MAGEA4: variants seen among roughly 807,000 people sequenced by gnomAD.
The protein encoded by MAGEA4 is MAGE family member A4.
A neutral mutation model predicts 13.7 loss-of-function variants in MAGEA4; 1 was observed. That is an observed-to-expected ratio of 0.07 (90% CI 0.03 to 0.35). The LOEUF (loss-of-function observed/expected upper bound fraction) is 0.35. MAGEA4 is among the 10% of genes least tolerant of loss of function. MAGEA4 has a pLI of 0.99. For missense variants in MAGEA4, 312 were observed against 245.1 expected (o/e 1.27, Z -1.82); for synonymous variants, 132 against 101.1 (o/e 1.31, Z -1.83).
At chrX:151,920,312 A>C (rs1192829849) in intron 1 of MAGEA4, among the ~76,000 whole-genome samples, 2 of 109,463 alleles carry the variant, frequency 1.8e-5, no homozygotes, top group African/African-American at 3.3e-5. Flanking sequence ...AGAAGTCGGG[A>C]GGCCCTCTCC....
Position 151,924,040 on chromosome X carries a change from C to G in MAGEA4, c.376C>G (p.Arg126Gly), listed in dbSNP as rs765557256. 9.9e-6 allele frequency: 12 copies of G among 1,210,746 alleles called. No individual in the cohort carries two copies. Among genetic ancestry groups the G allele is most frequent in the Admixed American group, 2.2e-5 (1 of 45,920 alleles). Residue 126 changes from arginine to glycine, a missense_variant, in exon 3 of 3, where the codon CGA (arginine) becomes GGA (glycine). By Grantham distance (125) the Arg-to-Gly change is moderately radical (BLOSUM62 -2). Coordinates refer to ENST00000276344, the MANE Select transcript of MAGEA4 (RefSeq NM_001011548.1). Reference sequence around the variant, plus strand: ...GGCTCATTTTCTGCTCCGCAAGTATCGAGCCAAGGAGCTGGTCACAAAGGC... The same window carrying G: ...GGCTCATTTTCTGCTCCGCAAGTATGGAGCCAAGGAGCTGGTCACAAAGGC... ...ELAHFLLRKY[R>G]AKELVTKAEM...
At position 151,919,572 on chromosome X, in the gene MAGEA4, T is replaced by C. The variant is rs776226017; in HGVS notation, c.-137-3881T>C. 1.3e-4 allele frequency: 86 copies of C among 669,001 alleles called. No homozygotes were observed. In the African/African-American group the frequency reaches 2.1e-3, roughly 16 times the overall value. 55.1% of individuals were successfully genotyped at this position (669,001 alleles called of 1,213,427 possible). On this transcript the variant is annotated intron_variant, in intron 1 of 2. Transcript: ENST00000276344. The stretch of plus-strand genomic sequence containing the variant: ...CCCCCATCCACGCTGAATCGGGTTC[T>C]GCTTCCGCTTTCAACCCAAGAAAGC...
In MAGEA4 at chrX:151,924,492, A is replaced by G. The variant is rs747308965; in HGVS notation, c.828A>G (p.Pro276=). 3.3e-6 allele frequency: 4 copies of G among 1,211,993 alleles called. No homozygotes were observed. Among genetic ancestry groups the G allele is most frequent in the East Asian group, 3.0e-5 (1 of 33,831 alleles). ...CGCGCTATGAGTTCCTGTGGGGTCC[A>G]AGGGCTCTGGCTGAAACCAGCTATG... ...NPARYEFLWG[P]RALAETSYVK... is the part of the protein sequence containing the mutation. Residue 276 remains proline (P), a synonymous_variant, in exon 3 of 3, where the codon CCA becomes CCG. Transcript: ENST00000276344.
At chrX:151,920,738 C>T (rs1401332451) in intron 1 of MAGEA4, among the ~76,000 whole-genome samples, 3 of 104,981 alleles carry the variant, frequency 2.9e-5, no homozygotes, top group East Asian at 3.0e-4. Context: ...CCTGGGTGGC[C>T]GGATGTGATG....
intron 1 of MAGEA4, among the ~76,000 whole-genome samples, chrX:151,917,992 T>C: frequency 3.6e-5 from 2 of 55,763 alleles, no homozygotes; most frequent in Non-Finnish European, 3.2e-5. Context: ...CCTAAACCCA[T>C]CCCCGCCCCC....
intron 1 of MAGEA4, among the ~76,000 whole-genome samples, chrX:151,921,678 C>G (rs1933446803): frequency 8.9e-6 from 1 of 112,205 alleles, no homozygotes; most frequent in African/African-American, 3.2e-5. Context: ...GCAGTCAACC[C>G]CGGGAAGACC....
intron 1 of MAGEA4, among the ~76,000 whole-genome samples, chrX:151,922,467 G>T (rs1378910571): frequency 9.0e-6 from 1 of 111,402 alleles, no homozygotes; most frequent in Non-Finnish European, 1.9e-5. Flanking sequence ...AAAGGGGTCA[G>T]CCCTGGGCAC....
In MAGEA4 at chrX:151,924,411, A is replaced by G. The variant is rs1205254338; in HGVS notation, c.747A>G (p.Gln249=). The change falls in exon 3 of 3, where the codon CAA becomes CAG. Residue 249 remains glutamine, a synonymous_variant. Transcript: ENST00000276344. ...VYGEPRKLLT[Q]DWVQENYLEY... is the part of the protein sequence containing the mutation. Reference sequence around the variant, plus strand: ...GGGAGCCCAGGAAACTGCTCACCCAAGATTGGGTGCAGGAAAACTACCTGG... The same window carrying G: ...GGGAGCCCAGGAAACTGCTCACCCAGGATTGGGTGCAGGAAAACTACCTGG... The G allele has an allele frequency of 8.3e-7, 1 of 1,211,246 alleles. No individual in the cohort carries two copies. Among genetic ancestry groups the G allele is most frequent in the South Asian group, 1.8e-5 (1 of 56,853 alleles).
In MAGEA4 at chrX:151,917,720, G is replaced by C. The variant is rs935061996; in HGVS notation, c.-138+4751G>C. 3 of 331,213 alleles carry C rather than the reference G, an allele frequency of 9.1e-6. No individual in the cohort carries two copies. In the African/African-American group the frequency reaches 9.4e-5, roughly 10 times the overall value. 27.3% of individuals were successfully genotyped at this position (331,213 alleles called of 1,213,427 possible). On this transcript the variant is annotated intron_variant, in intron 1 of 2. Transcript: ENST00000276344. ...GAGGACTCAGGAGGCCACCACCCCA[G>C]ATAGAAGACCCCAAATAATCCCGCA...
intron 1 of MAGEA4, among the ~76,000 whole-genome samples, chrX:151,922,447 C>T (rs1490883099): frequency 1.8e-5 from 2 of 111,243 alleles, no homozygotes; most frequent in Non-Finnish European, 3.8e-5. Flanking sequence ...AGAACCCTCA[C>T]CCCAGAACCA....
chrX:151,923,783 T>TCTC lies in MAGEA4; in HGVS notation c.129_131dup (p.Ser44dup), dbSNP rs372640194. 3.3e-6 allele frequency: 4 copies of TCTC among 1,208,204 alleles called. No individual in the cohort carries two copies. Among genetic ancestry groups the TCTC allele is most frequent in the Non-Finnish European group, 3.4e-6 (3 of 893,908 alleles). On this transcript the variant is annotated inframe_insertion, in exon 3 of 3. Transcript: ENST00000276344. ...ACTACTGAGGAGCAGGAGGCTGCTG[T>TCTC]CTCCTCCTCCTCTCCTCTGGTCCCT...
chrX:151,924,464 C>G lies in MAGEA4; in HGVS notation c.800C>G (p.Pro267Arg). 3.3e-6 allele frequency: 4 copies of G among 1,211,836 alleles called. No individual in the cohort carries two copies. Among genetic ancestry groups the G allele is most frequent in the Non-Finnish European group, 4.5e-6 (4 of 895,467 alleles). Residue 267 changes from proline (P) to arginine (R), a missense_variant, in exon 3 of 3, where the codon CCT (proline) becomes CGT (arginine). Transcript: ENST00000276344. ...TACCGGCAGGTACCCGGCAGTAATC[C>G]TGCGCGCTATGAGTTCCTGTGGGGT... ...LEYRQVPGSNPARYEFLWGPR... is the reference protein window; with the variant it reads ...LEYRQVPGSNRARYEFLWGPR...
At chrX:151,921,739 A>AG (rs1195096063) in intron 1 of MAGEA4, among the ~76,000 whole-genome samples, 1 of 111,886 alleles carries the variant, frequency 8.9e-6, no homozygotes, top group African/African-American at 3.3e-5. Context: ...GGGCTGAAGG[A>AG]GGGAGAGGGT....
chrX:151,921,869 G>T (rs7887770), intron 1 of MAGEA4, among the ~76,000 whole-genome samples: 5,296 of 110,395 alleles, frequency 0.048, 308 homozygotes, highest in African/African-American at 0.17. Flanking sequence ...CCCCGTCTGA[G>T]AATGAGGTGC....
In MAGEA4 at chrX:151,924,562, A is replaced by T; in HGVS notation, c.898A>T (p.Ile300Phe). 8.3e-7 allele frequency: 1 copy of T among 1,204,734 alleles called. No homozygotes were observed. Among genetic ancestry groups the T allele is most frequent in the Non-Finnish European group, 1.1e-6 (1 of 891,996 alleles). ...HVVRVNARVR[I>F]AYPSLREAAL... ...GGTCAGGGTCAATGCAAGAGTTCGC[A>T]TTGCCTACCCATCCCTGCGTGAAGC... The change falls in exon 3 of 3, where the codon ATT (isoleucine) becomes TTT (phenylalanine). Residue 300 changes from isoleucine to phenylalanine, a missense_variant. Physicochemically the swap from Ile to Phe is conservative, Grantham distance 21. Coordinates refer to ENST00000276344, the MANE Select transcript of MAGEA4 (RefSeq NM_001011548.1).
intron 1 of MAGEA4, among the ~76,000 whole-genome samples, chrX:151,920,408 C>T (rs943011719): frequency 1.1e-4 from 12 of 110,802 alleles, no homozygotes; most frequent in Non-Finnish European, 2.1e-4. Flanking sequence ...GAGTCTGGGA[C>T]GCCCACCACC....
At chrX:151,919,092 A>T in intron 1 of MAGEA4, 6 of 739,026 alleles carry the variant, frequency 8.1e-6, no homozygotes, top group Non-Finnish European at 9.6e-6. Flanking sequence ...ACGACCCCAA[A>T]TAATCCCGCA....
rs572691118 is a variant in MAGEA4, at chrX:151,924,368, G to T, written c.704G>T (p.Arg235Met). The change falls in exon 3 of 3, where the codon AGG becomes ATG. Residue 235 changes from arginine to methionine, a missense_variant. By Grantham distance (91) the Arg-to-Met change is moderately conservative (BLOSUM62 -1). Transcript: ENST00000276344. The part of the protein sequence containing the change: ...ELGVMGVYDG[R>M]EHTVYGEPRK... The stretch of plus-strand genomic sequence containing the variant: ...GGTGTGATGGGGGTGTATGATGGGA[G>T]GGAGCACACTGTCTATGGGGAGCCC... The T allele has an allele frequency of 9.1e-6, 11 of 1,209,005 alleles. No homozygotes were observed. Among genetic ancestry groups the T allele is most frequent in the Middle Eastern group, 2.3e-4 (1 of 4,346 alleles).
In MAGEA4 at chrX:151,923,929, A is replaced by G. The variant is rs750579206; in HGVS notation, c.265A>G (p.Ser89Gly). 5.8e-6 allele frequency: 7 copies of G among 1,210,090 alleles called. No individual in the cohort carries two copies. The highest frequency in any genetic ancestry group is 1.8e-5 in the South Asian group (1 of 56,764). The change falls in exon 3 of 3, where the codon AGC (serine) becomes GGC (glycine). Residue 89 changes from serine (S) to glycine (G), a missense_variant. By Grantham distance (56) the Ser-to-Gly change is moderately conservative (BLOSUM62 0). Coordinates refer to ENST00000276344, the MANE Select transcript of MAGEA4 (RefSeq NM_001011548.1). ...TCWRQPNEGS[S>G]SQEEEGPSTS... ...CTGGAGGCAACCCAATGAGGGTTCC[A>G]GCAGCCAAGAAGAGGAGGGGCCAAG...
Sources: gnomAD v4.1 joint callset for allele counts (sites outside exome capture counted in the v4.1 genomes callset) on GRCh38, gnomAD v4.1.1 for gene constraint, MANE v1.5 for transcripts, NCBI Gene and HGNC (gene_info 2026-07-23, HGNC 2026-07-21) for gene names.